CROT: variants seen among roughly 807,000 people sequenced by gnomAD.
CROT encodes the protein carnitine O-octanoyltransferase, also known as peroxisomal carnitine O-octanoyltransferase.
Under a neutral mutation model 89.2 loss-of-function variants are expected in CROT, and 84 were observed. The observed-to-expected ratio is 0.94, with a 90% confidence interval of 0.79 to 1.13. The LOEUF (loss-of-function observed/expected upper bound fraction) is 1.13. Among genes scored for constraint, CROT ranks in the 50% most tolerant of loss-of-function variants. The pLI is 0.00. For synonymous variants in CROT, 212 were observed against 239.5 expected (o/e 0.89, Z 1.06); for missense variants, 711 against 727.8 (o/e 0.98, Z 0.27).
intron 3 of CROT, chr7:87,357,401 C>A: frequency 6.9e-7 from 1 of 1,439,566 alleles, no homozygotes; most frequent in Non-Finnish European, 9.5e-7. Flanking sequence ...GAAATATTAT[C>A]CTTGATAGGA....
In CROT at chr7:87,375,653, G is replaced by C; in HGVS notation, c.678G>C (p.Lys226Asn). Reference protein sequence around the residue: ...ELLRQLTYIHKKCHSEPDGPG... With the variant: ...ELLRQLTYIHNKCHSEPDGPG... ...TAAGACAACTGACATATATCCACAA[G>C]AAGTGCCATAGTGAACCTGATGGAC... Residue 226 changes from lysine (K) to asparagine (N), a missense_variant, in exon 8 of 18, where the codon AAG becomes AAC. By Grantham distance (94) the Lys-to-Asn change is moderately conservative (BLOSUM62 0). Coordinates refer to ENST00000331536, the MANE Select transcript of CROT (RefSeq NM_021151.4). 1 of 1,613,090 alleles carries C rather than the reference G, an allele frequency of 6.2e-7. No individual in the cohort carries two copies. The highest frequency in any genetic ancestry group is 2.2e-5 in the East Asian group (1 of 44,858).
intron 9 of CROT, among the ~76,000 whole-genome samples, chr7:87,377,121 G>T (rs1194878959): frequency 6.6e-6 from 1 of 151,998 alleles, no homozygotes; most frequent in Non-Finnish European, 1.5e-5. Context: ...TTTTCTGGTA[G>T]GATTTTCTTA....
chr7:87,348,942 A>G (rs1204391208), intron 2 of CROT, 106 bp from the exon 3 acceptor site: 1 of 494,182 alleles, frequency 2.0e-6, no homozygotes, highest in East Asian at 3.2e-5. Flanking sequence ...AGTCCTAGAT[A>G]TGCTGTGGTC....
At chr7:87,386,288 T>C (rs1018181423) in intron 13 of CROT, among the ~76,000 whole-genome samples, 1 of 152,232 alleles carries the variant, frequency 6.6e-6, no homozygotes, top group Non-Finnish European at 1.5e-5. Flanking sequence ...AGTGAAGCCA[T>C]CAGGTCCTAA....
chr7:87,383,829 C>T (rs749720445), intron 13 of CROT, among the ~76,000 whole-genome samples: 2 of 152,064 alleles, frequency 1.3e-5, no homozygotes, highest in Non-Finnish European at 2.9e-5. Flanking sequence ...CTGCTGGACA[C>T]TTAGGTTGAT....
intron 10 of CROT, among the ~76,000 whole-genome samples, chr7:87,379,593 T>A (rs1216192488): frequency 6.6e-6 from 1 of 152,252 alleles, no homozygotes; most frequent in Admixed American, 6.5e-5. Flanking sequence ...TGTCTCTGAA[T>A]AAAGAATATT....
At chr7:87,385,764 G>C (rs1263337718) in intron 13 of CROT, among the ~76,000 whole-genome samples, 1 of 152,178 alleles carries the variant, frequency 6.6e-6, no homozygotes, top group Non-Finnish European at 1.5e-5. Context: ...CTAGATCTTA[G>C]AGGAAAGTCT....
At chr7:87,354,676 G>C (rs1447728602) in intron 3 of CROT, among the ~76,000 whole-genome samples, 1 of 152,058 alleles carries the variant, frequency 6.6e-6, no homozygotes, top group Admixed American at 6.5e-5. Context: ...CCTCAAAAAA[G>C]CAAAAAGCAG....
intron 10 of CROT, among the ~76,000 whole-genome samples, chr7:87,378,480 G>T (rs1806881786): frequency 6.6e-6 from 1 of 152,146 alleles, no homozygotes; most frequent in Non-Finnish European, 1.5e-5. Context: ...GGGTAAAGCT[G>T]ACTTCAATGT....
Position 87,399,373 on chromosome 7 carries a change from G to A in CROT, c.*729G>A, listed in dbSNP as rs1213257130. Reference sequence around the variant, plus strand: ...GTGCCTGTAGTCCAAGCTACTTGAAGGCTGAGACAGGAGGATCGGTTGAGC... The same window carrying A: ...GTGCCTGTAGTCCAAGCTACTTGAAAGCTGAGACAGGAGGATCGGTTGAGC... On this transcript the variant is annotated 3_prime_UTR_variant, in exon 18 of 18. Transcript: ENST00000331536. 1 of 152,416 alleles carries A rather than the reference G, an allele frequency of 6.6e-6. No homozygotes were observed. Among genetic ancestry groups the A allele is most frequent in the African/African-American group, 2.4e-5 (1 of 41,452 alleles). 9.4% of individuals were successfully genotyped at this position (152,416 alleles called of 1,614,324 possible). A position where few individuals can be genotyped will look rare whatever the true frequency, so the allele number is the denominator to read the frequency against.
intron 13 of CROT, among the ~76,000 whole-genome samples, chr7:87,389,438 C>T (rs879894621): frequency 6.6e-6 from 1 of 152,104 alleles, no homozygotes; most frequent in South Asian, 2.1e-4. Flanking sequence ...GAATACTATG[C>T]AGCCATAAAA....
intron 13 of CROT, among the ~76,000 whole-genome samples, chr7:87,389,321 C>T (rs1044480865): frequency 6.6e-6 from 1 of 152,102 alleles, no homozygotes; most frequent in African/African-American, 2.4e-5. Flanking sequence ...GATACATGCA[C>T]ACATATGTAT....
chr7:87,356,078 T>G (rs571258092), intron 3 of CROT, among the ~76,000 whole-genome samples: 53 of 152,256 alleles, frequency 3.5e-4, no homozygotes, highest in African/African-American at 1.2e-3. Context: ...CCTCCCCAGC[T>G]CAGGTGATCC....
chr7:87,373,614 G>A (rs992105410), intron 7 of CROT, among the ~76,000 whole-genome samples: 6 of 152,176 alleles, frequency 3.9e-5, no homozygotes, highest in East Asian at 3.9e-4. Flanking sequence ...GGCAGGAATC[G>A]AAGTAGAGAT....
intron 6 of CROT, among the ~76,000 whole-genome samples, chr7:87,365,489 CAA>C (rs112095343): frequency 8.2e-5 from 9 of 109,546 alleles, no homozygotes; most frequent in East Asian, 2.7e-4. Flanking sequence ...GACTCCATCT[CAA>C]AAAAAAAAAA....
In CROT at chr7:87,392,577, G is replaced by T. The variant is rs757498118; in HGVS notation, c.1437G>T (p.Arg479=). The T allele has an allele frequency of 6.2e-7, 1 of 1,612,966 alleles. No individual in the cohort carries two copies. The highest frequency in any genetic ancestry group is 1.1e-5 in the South Asian group (1 of 91,016). The change falls in exon 15 of 18, where the codon CGG becomes CGT. Residue 479 remains arginine, a synonymous_variant. Coordinates refer to ENST00000331536, the MANE Select transcript of CROT (RefSeq NM_021151.4). ...GATTTTTAATACAGCTTCGTGAGCG[G>T]CAGCAAAAGATGTTACAAGCTTTTG... ...MQDPSVNLRE[R]QQKMLQAFAK...
At chr7:87,357,654 C>T (rs1806126524) in intron 3 of CROT, 9 of 721,076 alleles carry the variant, frequency 1.2e-5, no homozygotes, top group South Asian at 7.7e-5. Flanking sequence ...CGGAGTAGAG[C>T]GTCCTCAGAG....
At chr7:87,395,798 C>T (rs564152951) in intron 17 of CROT, among the ~76,000 whole-genome samples, 2 of 152,094 alleles carry the variant, frequency 1.3e-5, no homozygotes, top group Admixed American at 1.3e-4. Context: ...TACTTGCCCC[C>T]AGACATGTCT....
At chr7:87,398,500 T>C (rs913110374) in intron 17 of CROT, 24 bp from the exon 18 acceptor site, 1 of 1,612,352 alleles carries the variant, frequency 6.2e-7, no homozygotes, top group African/African-American at 1.3e-5. Context: ...TGTGTAATCA[T>C]TAATCATTAT....
Sources: gnomAD v4.1 joint callset for allele counts (sites outside exome capture counted in the v4.1 genomes callset) on GRCh38, gnomAD v4.1.1 for gene constraint, MANE v1.5 for transcripts, NCBI Gene and HGNC (gene_info 2026-07-23, HGNC 2026-07-21) for gene names.